KSR2: variants seen among roughly 807,000 people sequenced by gnomAD.
The protein encoded by KSR2 is kinase suppressor of ras 2.
In KSR2, 25 loss-of-function variants were observed where a neutral mutation model predicts 107.8. That is an observed-to-expected ratio of 0.23 (90% CI 0.17 to 0.32). KSR2 has a LOEUF of 0.32. Among genes scored for constraint, KSR2 ranks in the 10% least tolerant of loss-of-function variants. The pLI, the probability that KSR2 is intolerant of heterozygous loss-of-function variation, is 1.00. For synonymous variants in KSR2, 480 were observed against 507.0 expected, an observed-to-expected ratio of 0.95 and a Z score of 0.71; for missense variants, 887 against 1,268.9, an observed-to-expected ratio of 0.70 and a Z score of 4.57.
chr12:117,943,041 G>A (rs562079961), intron 1 of KSR2, among the ~76,000 whole-genome samples: 2 of 152,066 alleles, frequency 1.3e-5, no homozygotes, highest in Non-Finnish European at 2.9e-5. Flanking sequence ...GGGAAATGAG[G>A]AGACTACAAA....
At chr12:117,502,831 C>T (rs1423245460) in intron 14 of KSR2, among the ~76,000 whole-genome samples, 1 of 152,150 alleles carries the variant, frequency 6.6e-6, no homozygotes, top group African/African-American at 2.4e-5. Flanking sequence ...AGGGAAGGAA[C>T]TTCTTCCAGT....
intron 4 of KSR2, among the ~76,000 whole-genome samples, chr12:117,679,757 G>A (rs887077067): frequency 1.3e-5 from 2 of 152,116 alleles, no homozygotes; most frequent in Non-Finnish European, 2.9e-5. Context: ...CAGGAAGATT[G>A]CCTGGTGGTC....
chr12:117,593,616 T>C (rs927915509), intron 5 of KSR2, among the ~76,000 whole-genome samples: 3 of 152,250 alleles, frequency 2.0e-5, no homozygotes, highest in Admixed American at 1.3e-4. Flanking sequence ...TTGTGTGTTC[T>C]GTCACCTGAC....
intron 1 of KSR2, among the ~76,000 whole-genome samples, chr12:117,913,425 C>A (rs943018364): frequency 6.6e-6 from 1 of 152,100 alleles, no homozygotes; most frequent in Non-Finnish European, 1.5e-5. Flanking sequence ...CCATCTCCCC[C>A]AAATTTATGT....
intron 4 of KSR2, among the ~76,000 whole-genome samples, chr12:117,669,021 T>C (rs57376779): frequency 0.016 from 2,418 of 152,222 alleles, 71 homozygotes; most frequent in African/African-American, 0.056. Flanking sequence ...TGGCCAGTTA[T>C]AGATTCATTC....
intron 4 of KSR2, among the ~76,000 whole-genome samples, chr12:117,740,440 A>ATCTG (rs1565989947): frequency 1.1e-5 from 1 of 94,732 alleles, no homozygotes; most frequent in South Asian, 3.3e-4. Flanking sequence ...ATATTACATT[A>ATCTG]ATATATGTAT....
At chr12:117,713,184 T>C (rs539959) in intron 4 of KSR2, among the ~76,000 whole-genome samples, 28,436 of 150,978 alleles carry the variant, frequency 0.19, 2,888 homozygotes, top group East Asian at 0.3. Context: ...GGATGGATAG[T>C]TATAGATATG....
intron 1 of KSR2, among the ~76,000 whole-genome samples, chr12:117,864,662 G>T (rs187759115): frequency 1.3e-5 from 2 of 152,192 alleles, no homozygotes; most frequent in African/African-American, 4.8e-5. Flanking sequence ...AAGGCACTGC[G>T]GAAGGCCCTG....
At chr12:117,665,955 G>T (rs1190552037) in intron 5 of KSR2, among the ~76,000 whole-genome samples, 3 of 152,196 alleles carry the variant, frequency 2.0e-5, no homozygotes, top group Non-Finnish European at 4.4e-5. Context: ...CCACGCTCAT[G>T]CAGCCAGTCT....
intron 4 of KSR2, among the ~76,000 whole-genome samples, chr12:117,720,213 C>A (rs915190143): frequency 6.6e-6 from 1 of 152,204 alleles, no homozygotes; most frequent in Admixed American, 6.5e-5. Context: ...TGAGTAACTC[C>A]CTTCAATTAC....
chr12:117,923,057 C>T (rs1349597397), intron 1 of KSR2, among the ~76,000 whole-genome samples: 4 of 152,082 alleles, frequency 2.6e-5, no homozygotes, highest in Non-Finnish European at 5.9e-5. Context: ...ATTTAGAATG[C>T]CCCCGGTTAG....
intron 7 of KSR2, among the ~76,000 whole-genome samples, chr12:117,568,386 T>G (rs1271190623): frequency 2.0e-5 from 3 of 152,194 alleles, no homozygotes; most frequent in Non-Finnish European, 4.4e-5. Context: ...CAAATTCTTA[T>G]ACTCTGTTCT....
chr12:117,828,375 C>G (rs1891833792), intron 3 of KSR2, among the ~76,000 whole-genome samples: 1 of 152,162 alleles, frequency 6.6e-6, no homozygotes, highest in South Asian at 2.1e-4. Flanking sequence ...CACGTAAAAG[C>G]CCTCAACATC....
intron 1 of KSR2, among the ~76,000 whole-genome samples, chr12:117,952,184 CAT>C (rs58105035): frequency 0.011 from 1,321 of 124,692 alleles, 20 homozygotes; most frequent in African/African-American, 0.032. Context: ...CACACACACA[CAT>C]ACACATACAC....
intron 3 of KSR2, among the ~76,000 whole-genome samples, chr12:117,827,322 T>A (rs1473355663): frequency 6.6e-6 from 1 of 152,194 alleles, no homozygotes; most frequent in African/African-American, 2.4e-5. Context: ...CCTTCCCATC[T>A]ATAAGCTGAG....
chr12:117,559,624 GAAAT>G (rs1877969484), intron 7 of KSR2, among the ~76,000 whole-genome samples: 2 of 152,132 alleles, frequency 1.3e-5, no homozygotes, highest in African/African-American at 4.8e-5. Flanking sequence ...CAATTATAAT[GAAAT>G]CGGTGCCAGG....
chr12:117,799,109 A>G (rs1747237923), intron 3 of KSR2, among the ~76,000 whole-genome samples: 1 of 152,198 alleles, frequency 6.6e-6, no homozygotes, highest in South Asian at 2.1e-4. Context: ...ATGGGTACAG[A>G]GCTCTATTTG....
At chr12:117,944,245 G>A (rs1389062978) in intron 1 of KSR2, among the ~76,000 whole-genome samples, 1 of 152,092 alleles carries the variant, frequency 6.6e-6, no homozygotes, top group Non-Finnish European at 1.5e-5. Context: ...GCATGGTGGT[G>A]CACGCCTATA....
intron 4 of KSR2, among the ~76,000 whole-genome samples, chr12:117,691,412 G>A (rs994681033): frequency 3.3e-5 from 5 of 152,162 alleles, no homozygotes; most frequent in African/African-American, 7.2e-5. Context: ...CTGGATAAGA[G>A]CCTCCCTTCT....
Sources: gnomAD v4.1 joint callset for allele counts (sites outside exome capture counted in the v4.1 genomes callset) on GRCh38, gnomAD v4.1.1 for gene constraint, MANE v1.5 for transcripts, NCBI Gene and HGNC (gene_info 2026-07-23, HGNC 2026-07-21) for gene names.